Variants in MTSS1 observed in about 807,000 individuals in gnomAD.
The protein encoded by MTSS1 is protein MTSS 1.
A neutral mutation model predicts 79.0 loss-of-function variants in MTSS1; 18 were observed. That is an observed-to-expected ratio of 0.23 (90% CI 0.16 to 0.34). The LOEUF (loss-of-function observed/expected upper bound fraction) is 0.34. Ranked by LOEUF, MTSS1 falls within the 10% of genes least tolerant of loss-of-function variation. The pLI is 1.00. For missense variants in MTSS1, 815 were observed against 986.2 expected (o/e 0.83, Z 2.33); for synonymous variants, 341 against 368.6 (o/e 0.93, Z 0.86).
chr8:124,648,647 C>T (rs140668626), intron 3 of MTSS1, among the ~76,000 whole-genome samples: 2 of 151,988 alleles, frequency 1.3e-5, no homozygotes, highest in Non-Finnish European at 2.9e-5. Flanking sequence ...AAAGTCCAGC[C>T]GTTTCCCTAC....
At position 124,555,900 on chromosome 8, in the gene MTSS1, C is replaced by G. The variant is rs779953773; in HGVS notation, c.1409G>C (p.Gly470Ala). ...CTCCTCACAAGCCTCCATCTCCTCA[C>G]CAGGCTGCAGGTTGGAGGAGAGAAA... ...SMTVSAATRP[G>A]EEMEACEELA... Residue 470 changes from glycine to alanine, a missense_variant, in exon 13 of 14, where the codon GGT (glycine) becomes GCT (alanine). Coordinates refer to ENST00000518547, the MANE Select transcript of MTSS1 (RefSeq NM_014751.6). 1.1e-5 allele frequency: 18 copies of G among 1,607,150 alleles called. No individual in the cohort carries two copies. The East Asian group carries it at 3.8e-4, about 34-fold the overall frequency.
intron 3 of MTSS1, among the ~76,000 whole-genome samples, chr8:124,686,124 A>G (rs1299890564): frequency 6.6e-6 from 1 of 152,134 alleles, no homozygotes; most frequent in Non-Finnish European, 1.5e-5. Flanking sequence ...CTGTCATCTC[A>G]TAGACAACGA....
intron 3 of MTSS1, among the ~76,000 whole-genome samples, chr8:124,613,299 C>T (rs535474977): frequency 6.6e-6 from 1 of 152,288 alleles, no homozygotes; most frequent in Admixed American, 6.5e-5. Context: ...AGGAGCTGCT[C>T]CACAGTGTTA....
chr8:124,633,177 A>C (rs1045794537), intron 3 of MTSS1, among the ~76,000 whole-genome samples: 1 of 151,306 alleles, frequency 6.6e-6, no homozygotes, highest in Non-Finnish European at 1.5e-5. Flanking sequence ...ATTAAAAAAA[A>C]ATTTTTAAAG....
In MTSS1 at chr8:124,676,446, T is replaced by C. The variant is rs549272701; in HGVS notation, c.208+23080A>G. Among the ~76,000 whole-genome samples, 112 of 152,182 alleles carry C rather than the reference T, an allele frequency of 7.4e-4. 2 individuals carry two copies. Among genetic ancestry groups the C allele is most frequent in the Non-Finnish European group, 2.1e-4 (14 of 68,028 alleles). On this transcript the variant is annotated intron_variant, in intron 3 of 13. Coordinates refer to ENST00000518547, the MANE Select transcript of MTSS1 (RefSeq NM_014751.6). ...GAGCCATTTTTATCAAGTCAAGATC[T>C]CACGACCATCCAAAGACTCTGAGCT... is the stretch of plus-strand genomic sequence containing the variant.
chr8:124,581,906 G>A (rs181157907), intron 6 of MTSS1, among the ~76,000 whole-genome samples: 204 of 152,224 alleles, frequency 1.3e-3, no homozygotes, highest in African/African-American at 3.7e-3. Flanking sequence ...CCATTGGGTC[G>A]TGGTCAACTC....
At chr8:124,577,467 C>G (rs1829180388) in intron 6 of MTSS1, 1 of 468,628 alleles carries the variant, frequency 2.1e-6, no homozygotes, top group Admixed American at 2.3e-5. Flanking sequence ...CCAGGCTGGT[C>G]TCAGACTCAT....
At chr8:124,620,802 C>T (rs1398926336) in intron 3 of MTSS1, among the ~76,000 whole-genome samples, 1 of 152,204 alleles carries the variant, frequency 6.6e-6, no homozygotes. Flanking sequence ...ATCTTTTCAT[C>T]TTCCTGCATA....
At chr8:124,678,857 G>C (rs1262387039) in intron 3 of MTSS1, among the ~76,000 whole-genome samples, 1 of 152,216 alleles carries the variant, frequency 6.6e-6, no homozygotes, top group African/African-American at 2.4e-5. Flanking sequence ...GGAACCTGCA[G>C]ACCAATTCGT....
chr8:124,562,878 C>A lies in MTSS1; in HGVS notation c.939G>T (p.Arg313Ser), dbSNP rs1825641692. The A allele has an allele frequency of 6.2e-7, 1 of 1,614,146 alleles. No individual in the cohort carries two copies. Among genetic ancestry groups the A allele is most frequent in the Non-Finnish European group, 8.5e-7 (1 of 1,180,022 alleles). The change falls in exon 10 of 14, where the codon AGG becomes AGT. Residue 313 changes from arginine (R) to serine (S), a missense_variant. By Grantham distance (110) the Arg-to-Ser change is moderately radical (BLOSUM62 -1). Coordinates refer to ENST00000518547, the MANE Select transcript of MTSS1 (RefSeq NM_014751.6). The part of the protein sequence containing the change: ...SSNLAQQAPV[R>S]LSSVSSHDSG... The stretch of plus-strand genomic sequence containing the variant: ...AGTCATGGGAGGACACGCTGGACAG[C>A]CTCACAGGAGCCTGCTGGGCCAGGT...
Position 124,728,147 on chromosome 8 carries a change from A to G in MTSS1, c.-192T>C. 1 of 512,478 alleles carries G rather than the reference A, an allele frequency of 2.0e-6. No individual in the cohort carries two copies. Among genetic ancestry groups the G allele is most frequent in the Non-Finnish European group, 3.4e-6 (1 of 291,578 alleles). The allele number at this position is 512,478 out of a possible 1,614,324, so 31.7% of individuals were successfully genotyped here. A position where few individuals can be genotyped will look rare whatever the true frequency, so the allele number is the denominator to read the frequency against. ...CCAAAATAATAACAGTAATTTAAAAAGCCAAACCGCTCTGTAGGGTATTCG... is the reference window on the plus strand; with the variant it reads ...CCAAAATAATAACAGTAATTTAAAAGGCCAAACCGCTCTGTAGGGTATTCG... On this transcript the variant is annotated 5_prime_UTR_variant, in exon 1 of 14. Transcript: ENST00000518547. This position sits in a 1 kb window ranked among gnomAD's most constrained non-coding sequence, Gnocchi z 6.1.
At position 124,557,813 on chromosome 8, in the gene MTSS1, T is replaced by A; in HGVS notation, c.1098A>T (p.Ala366=). The A allele has an allele frequency of 6.2e-7, 1 of 1,601,342 alleles. No homozygotes were observed. Among genetic ancestry groups the A allele is most frequent in the Non-Finnish European group, 8.5e-7 (1 of 1,174,426 alleles). The change falls in exon 11 of 14, where the codon GCA becomes GCT. Residue 366 remains alanine, a synonymous_variant. Transcript: ENST00000518547. ...CAGGCAGGCAATGAGGGAAAAGGCC[T>A]GCACCCGTGGGCCCCACGTGGGACT... ...SSESHVGPTG[A]GLFPHCLPAS...
intron 9 of MTSS1, among the ~76,000 whole-genome samples, chr8:124,565,037 T>C (rs548554721): frequency 1.3e-5 from 2 of 152,292 alleles, no homozygotes; most frequent in East Asian, 3.9e-4. Context: ...AAAAGAAACT[T>C]TCCTACTCGG....
intron 3 of MTSS1, among the ~76,000 whole-genome samples, chr8:124,659,170 C>T (rs976171667): frequency 2.0e-5 from 3 of 151,296 alleles, no homozygotes; most frequent in Non-Finnish European, 4.4e-5. Flanking sequence ...ATGGATGATT[C>T]GATGAAATGA....
intron 1 of MTSS1, 98 bp from the exon 2 acceptor site, chr8:124,704,289 G>A (rs1830103144): frequency 9.7e-7 from 1 of 1,034,850 alleles, no homozygotes; most frequent in Admixed American, 1.7e-5. Flanking sequence ...GGAACAATCT[G>A]TGTATGTTCT....
chr8:124,672,549 T>C (rs1434071788), intron 3 of MTSS1, among the ~76,000 whole-genome samples: 4 of 151,890 alleles, frequency 2.6e-5, no homozygotes, highest in Non-Finnish European at 5.9e-5. Flanking sequence ...CTCATGCATG[T>C]AATCCCAGCA....
rs1383535899 is a variant in MTSS1, at chr8:124,727,517, G to A, written c.72+367C>T. 4.3e-6 allele frequency: 2 copies of A among 468,484 alleles called. No homozygotes were observed. Among genetic ancestry groups the A allele is most frequent in the South Asian group, 1.6e-5 (1 of 64,340 alleles). 29.0% of individuals were successfully genotyped at this position (468,484 alleles called of 1,614,324 possible). A position where few individuals can be genotyped will look rare whatever the true frequency, so the allele number is the denominator to read the frequency against. On this transcript the variant is annotated intron_variant, in intron 1 of 13. Coordinates refer to ENST00000518547, the MANE Select transcript of MTSS1 (RefSeq NM_014751.6). The surrounding 1 kb of genome is among the most constrained non-coding windows in gnomAD (Gnocchi z 4.7). ...CCCACCCCGTGCCCGGAGGAATCAG[G>A]TGTCCTCCCGGGCATCCAGCCCCCG...
rs182081973 is a variant in MTSS1, at chr8:124,662,418, T to C, written c.208+37108A>G. ...TGAATAAAAAAAATACTGTATGCCATACACAGCACAGGACACCAAGAGAGG... is the reference window on the plus strand; with the variant it reads ...TGAATAAAAAAAATACTGTATGCCACACACAGCACAGGACACCAAGAGAGG... On this transcript the variant is annotated intron_variant, in intron 3 of 13. Transcript: ENST00000518547. 2.0e-5 allele frequency among the ~76,000 whole-genome samples: 3 copies of C among 152,276 alleles called. No individual in the cohort carries two copies. In the East Asian group the frequency reaches 5.8e-4, roughly 29 times the overall value.
chr8:124,589,295 T>A (rs1831416641), intron 5 of MTSS1, among the ~76,000 whole-genome samples: 1 of 152,156 alleles, frequency 6.6e-6, no homozygotes, highest in Non-Finnish European at 1.5e-5. Context: ...CCTCCCAAAG[T>A]GCCGGGATTA....
Sources: allele counts gnomAD v4.1 joint callset (sites outside exome capture counted in the v4.1 genomes callset), GRCh38; gene constraint gnomAD v4.1.1; non-coding constraint Gnocchi (gnomAD v3.1); transcripts MANE v1.5; gene names NCBI Gene and HGNC (gene_info 2026-07-23, HGNC 2026-07-21).